The following ZNF732 variants were observed in gnomAD, a reference collection of about 807,000 sequenced individuals.
ZNF732 encodes zinc finger protein 732, also known as zinc finger protein LOC654254.
ZNF732 carries 12 observed loss-of-function variants against 11.5 expected under a neutral mutation model. That is an observed-to-expected ratio of 1.05 (90% CI 0.67 to 1.70). The LOEUF is 1.70. ZNF732 is among the 40% of genes most tolerant of loss of function. The pLI is 0.00. For synonymous variants in ZNF732, 231 were observed against 236.5 expected (o/e 0.98, Z 0.21); for missense variants, 702 against 676.9 (o/e 1.04, Z -0.41).
rs781939195 is a variant in ZNF732, at chr4:272,466, G to C, written c.391C>G (p.Gln131Glu). 26 of 1,601,170 alleles carry C rather than the reference G, an allele frequency of 1.6e-5. 1 individual carries two copies. Among genetic ancestry groups the C allele is most frequent in the Middle Eastern group, 3.3e-4 (2 of 6,044 alleles). ...VQKGGYNEFNQCLSTIQSKIF... is the reference protein window; with the variant it reads ...VQKGGYNEFNECLSTIQSKIF... ...TTGCTCTGGATAGTTGACAAGCATT[G>C]ATTAAATTCATTATAACCTCCTTTC... Residue 131 changes from glutamine (Q) to glutamate (E), a missense_variant, in exon 4 of 4, where the codon CAA (glutamine) becomes GAA (glutamate). By Grantham distance (29) the Gln-to-Glu change is conservative. Coordinates refer to ENST00000419098, the MANE Select transcript of ZNF732 (RefSeq NM_001137608.3).
intron 1 of ZNF732, among the ~76,000 whole-genome samples, chr4:299,413 A>G (rs1287343640): frequency 1.2e-5 from 1 of 86,384 alleles, no homozygotes; most frequent in Admixed American, 1.4e-4. Context: ...GTATATATAT[A>G]TACACATATA....
intron 3 of ZNF732, among the ~76,000 whole-genome samples, chr4:291,218 G>A (rs561253978): frequency 3.3e-5 from 5 of 152,258 alleles, no homozygotes; most frequent in South Asian, 2.1e-4. Flanking sequence ...ATCAGGATAC[G>A]TAATCAACAT....
At chr4:280,477 C>G (rs1719599163) in intron 3 of ZNF732, among the ~76,000 whole-genome samples, 1 of 151,964 alleles carries the variant, frequency 6.6e-6, no homozygotes, top group Admixed American at 6.6e-5. Flanking sequence ...CCCACCTACT[C>G]GGGAGGCTGA....
At chr4:292,440 T>G in intron 3 of ZNF732, among the ~76,000 whole-genome samples, 1 of 151,302 alleles carries the variant, frequency 6.6e-6, no homozygotes, top group East Asian at 1.9e-4. Flanking sequence ...GCCTGTAATC[T>G]CAGCTATTTG....
chr4:282,766 C>A (rs541871703), intron 3 of ZNF732, among the ~76,000 whole-genome samples: 3 of 151,546 alleles, frequency 2.0e-5, no homozygotes, highest in African/African-American at 7.3e-5. Flanking sequence ...ATTTTATGGT[C>A]CCTTGGAAAT....
In ZNF732 at chr4:277,750, C is replaced by A. The variant is rs543435808; in HGVS notation, c.227-5120G>T. Among the ~76,000 whole-genome samples the A allele has an allele frequency of 3.7e-4, 56 of 152,108 alleles. 1 individual carries two copies. Among genetic ancestry groups the A allele is most frequent in the African/African-American group, 1.3e-3 (56 of 41,534 alleles). Reference sequence around the variant, plus strand: ...GTATTTTAACACTGTTTCTTTGACTCCCCACCTAGACAATAAACCATGAAC... The same window carrying A: ...GTATTTTAACACTGTTTCTTTGACTACCCACCTAGACAATAAACCATGAAC... On this transcript the variant is annotated intron_variant, in intron 3 of 3. Transcript: ENST00000419098.
In ZNF732 at chr4:288,732, G is replaced by A. The variant is rs147219910; in HGVS notation, c.226+6706C>T. 5.5e-4 allele frequency among the ~76,000 whole-genome samples: 84 copies of A among 152,310 alleles called. 1 individual carries two copies. The highest frequency in any genetic ancestry group is 1.9e-3 in the African/African-American group (77 of 41,564). Reference sequence around the variant, plus strand: ...GCCATGATGGTCCTTGAAATTCTATGTAAATGTAAGAATTTTTAAAAATAT... The same window carrying A: ...GCCATGATGGTCCTTGAAATTCTATATAAATGTAAGAATTTTTAAAAATAT... On this transcript the variant is annotated intron_variant, in intron 3 of 3. Transcript: ENST00000419098.
intron 1 of ZNF732, among the ~76,000 whole-genome samples, chr4:300,649 C>T (rs537187081): frequency 1.7e-4 from 26 of 151,980 alleles, no homozygotes; most frequent in African/African-American, 6.3e-4. Context: ...CTCTCAAATC[C>T]CAGGACATAA....
chr4:304,178 G>T (rs1336716814), intron 1 of ZNF732, among the ~76,000 whole-genome samples: 2 of 152,158 alleles, frequency 1.3e-5, no homozygotes, highest in African/African-American at 4.8e-5. Flanking sequence ...CCTGTCCTGG[G>T]AGGAGTGTGG....
chr4:299,326 A>G (rs911081791), intron 1 of ZNF732, among the ~76,000 whole-genome samples: 4 of 138,250 alleles, frequency 2.9e-5, no homozygotes, highest in South Asian at 4.6e-4. Flanking sequence ...ATACGCTCCA[A>G]TTAGAAGCAG....
chr4:275,814 G>A lies in ZNF732; in HGVS notation c.227-3184C>T, dbSNP rs190502239. Among the ~76,000 whole-genome samples, 174 of 151,638 alleles carry A rather than the reference G, an allele frequency of 1.1e-3. 2 individuals are homozygous for A. Among genetic ancestry groups the A allele is most frequent in the African/African-American group, 4.0e-3 (167 of 41,472 alleles). On this transcript the variant is annotated intron_variant, in intron 3 of 3. Coordinates refer to ENST00000419098, the MANE Select transcript of ZNF732 (RefSeq NM_001137608.3). ...ATTATACAACAAAAAGTCACGAAGA[G>A]ACAAACTATATGAATCAACTTACAC...
At chr4:298,879 C>T (rs12503543) in intron 1 of ZNF732, among the ~76,000 whole-genome samples, 64,395 of 151,910 alleles carry the variant, frequency 0.42, 15,266 homozygotes, top group East Asian at 0.7. Context: ...TGCTAAGGTG[C>T]TTTTTTACAC....
At chr4:274,856 T>C (rs1049619506) in intron 3 of ZNF732, among the ~76,000 whole-genome samples, 1 of 151,724 alleles carries the variant, frequency 6.6e-6, no homozygotes, top group Admixed American at 6.6e-5. Flanking sequence ...AACATGTCTA[T>C]ACATACGTTA....
intron 1 of ZNF732, among the ~76,000 whole-genome samples, chr4:299,652 T>A (rs1325677570): frequency 7.2e-6 from 1 of 139,790 alleles, no homozygotes; most frequent in Non-Finnish European, 1.5e-5. Context: ...ATATTACATA[T>A]GTAAATTATA....
At position 272,201 on chromosome 4, in the gene ZNF732, C is replaced by A; in HGVS notation, c.656G>T (p.Gly219Val). 1 of 1,612,908 alleles carries A rather than the reference C, an allele frequency of 6.2e-7. No individual in the cohort carries two copies. Among genetic ancestry groups the A allele is most frequent in the Non-Finnish European group, 8.5e-7 (1 of 1,179,440 alleles). The change falls in exon 4 of 4, where the codon GGA becomes GTA. Residue 219 changes from glycine (G) to valine (V), a missense_variant. Transcript: ENST00000419098. ...TTCTTCACATGTGAAGGGTTTCTCT[C>A]CAGTATGAATTATCTCATATTCATT... ...IFNEYEIIHT[G>V]EKPFTCEECG...
At position 272,534 on chromosome 4, in the gene ZNF732, T is replaced by C. The variant is rs1560156061; in HGVS notation, c.323A>G (p.His108Arg). The stretch of plus-strand genomic sequence containing the variant: ...GCTTTTTCTTAATTCTAAATTCTCA[T>C]GTCCACATTTCTCATATCTTCTTAA... ...LILRRYEKCG[H>R]ENLELRKSCK... The change falls in exon 4 of 4, where the codon CAT (histidine) becomes CGT (arginine). Residue 108 changes from histidine to arginine, a missense_variant. Physicochemically the swap from His to Arg is conservative, Grantham distance 29. Transcript: ENST00000419098. 1 of 1,603,956 alleles carries C rather than the reference T, an allele frequency of 6.2e-7. No homozygotes were observed.
At chr4:294,997 C>T (rs1240380341) in intron 3 of ZNF732, among the ~76,000 whole-genome samples, 1 of 152,206 alleles carries the variant, frequency 6.6e-6, no homozygotes, top group African/African-American at 2.4e-5. Context: ...GCAGAAAAGA[C>T]GCAACATCTG....
chr4:299,422 T>C (rs527336375), intron 1 of ZNF732, among the ~76,000 whole-genome samples: 1 of 102,336 alleles, frequency 9.8e-6, no homozygotes, highest in Non-Finnish European at 1.9e-5. Context: ...TATACACATA[T>C]ATACACATAT....
chr4:283,701 AAGTT>A (rs1351867553), intron 3 of ZNF732, among the ~76,000 whole-genome samples: 7 of 152,270 alleles, frequency 4.6e-5, no homozygotes, highest in South Asian at 2.1e-4. Context: ...TTCAGACTGA[AAGTT>A]AGTAAGAAAA....
Sources: gnomAD v4.1 joint callset for allele counts (sites outside exome capture counted in the v4.1 genomes callset) on GRCh38, gnomAD v4.1.1 for gene constraint, MANE v1.5 for transcripts, NCBI Gene and HGNC (gene_info 2026-07-23, HGNC 2026-07-21) for gene names.